The following SHISAL1 variants were observed in gnomAD, a reference collection of about 807,000 sequenced individuals.
The protein encoded by SHISAL1 is shisa like 1.
A neutral mutation model predicts 22.6 loss-of-function variants in SHISAL1; 9 were observed. That is an observed-to-expected ratio of 0.40 (90% CI 0.24 to 0.70). The LOEUF is 0.70. Among genes scored for constraint, SHISAL1 ranks in the 30% least tolerant of loss-of-function variants. The pLI is 0.39. For synonymous variants in SHISAL1, 119 were observed against 115.4 expected, an observed-to-expected ratio of 1.03 and a Z score of -0.20; for missense variants, 246 against 270.6, an observed-to-expected ratio of 0.91 and a Z score of 0.64.
chr22:44,249,602 T>G lies in SHISAL1; in HGVS notation c.*83A>C. 1.3e-6 allele frequency: 1 copy of G among 765,198 alleles called. No individual in the cohort carries two copies. Among genetic ancestry groups the G allele is most frequent in the Non-Finnish European group, 2.4e-6 (1 of 411,912 alleles). 47.4% of individuals were successfully genotyped at this position (765,198 alleles called of 1,614,324 possible). Reference sequence around the variant, plus strand: ...CGCTACCTCGGCTGTCCCTGGCATCTCTGTAGAAGTTGTTCTTCTCGGAGG... The same window carrying G: ...CGCTACCTCGGCTGTCCCTGGCATCGCTGTAGAAGTTGTTCTTCTCGGAGG... On this transcript the variant is annotated 3_prime_UTR_variant, in exon 5 of 5. Transcript: ENST00000381176.
At chr22:44,285,246 C>A (rs2055304676) in intron 4 of SHISAL1, among the ~76,000 whole-genome samples, 182 bp downstream of exon 4, 1 of 152,240 alleles carries the variant, frequency 6.6e-6, no homozygotes, top group South Asian at 2.1e-4. Context: ...TTTGACTTTC[C>A]TGTCTAGGCA....
rs1000208929 is a variant in SHISAL1 at position 44,264,441 on chromosome 22, G to A, written c.*-14756C>T. 1.6e-4 allele frequency among the ~76,000 whole-genome samples: 24 copies of A among 152,290 alleles called. 1 individual carries two copies. The highest frequency in any genetic ancestry group is 1.6e-3 in the Admixed American group (24 of 15,304). On this transcript the variant is annotated intron_variant, in intron 4 of 4. Transcript: ENST00000381176. ...GAGAGTTTGCTGAATAAATGACAGAGAGCAGGTGTGGTGTGAGCTCTGGTG... is the reference window on the plus strand; with the variant it reads ...GAGAGTTTGCTGAATAAATGACAGAAAGCAGGTGTGGTGTGAGCTCTGGTG...
intron 4 of SHISAL1, among the ~76,000 whole-genome samples, chr22:44,274,939 T>C (rs1601787345): frequency 6.6e-6 from 1 of 152,214 alleles, no homozygotes; most frequent in East Asian, 1.9e-4. Flanking sequence ...CTTGTGGCCA[T>C]TGTACTGACG....
rs1452139095 is a variant in SHISAL1, at chr22:44,249,484, AC to A, written c.*200del. ...GGTGGCTCAGAATCCCCTCCCCTGC[AC>A]CCCCAGCCCCTACCCCTGAGTTTGC... is the stretch of plus-strand genomic sequence containing the variant. On this transcript the variant is annotated 3_prime_UTR_variant, in exon 5 of 5. Coordinates refer to ENST00000381176, the MANE Select transcript of SHISAL1 (RefSeq NM_001099294.2). 6.6e-6 allele frequency: 3 copies of A among 452,086 alleles called. No individual in the cohort carries two copies. Among genetic ancestry groups the A allele is most frequent in the Non-Finnish European group, 8.3e-6 (2 of 241,582 alleles). The allele number at this position is 452,086 out of a possible 1,614,324, so 28.0% of individuals were successfully genotyped here.
At chr22:44,258,998 GT>G (rs928723478) in intron 4 of SHISAL1, among the ~76,000 whole-genome samples, 1 of 152,132 alleles carries the variant, frequency 6.6e-6, no homozygotes, top group Non-Finnish European at 1.5e-5. Flanking sequence ...GGACCCAAGG[GT>G]TGGAAACCAG....
At chr22:44,318,114 G>A in the SHISAL1 span, among the ~76,000 whole-genome samples, 692 of 152,374 alleles carry the variant, frequency 4.5e-3, 6 homozygotes, top group African/African-American at 0.016. Flanking sequence ...CCGTGGGGGC[G>A]GGGAAGTCCA....
chr22:44,293,324 T>G (rs185298462), intron 3 of SHISAL1, among the ~76,000 whole-genome samples: 1 of 152,296 alleles, frequency 6.6e-6, no homozygotes, highest in Admixed American at 6.5e-5. Flanking sequence ...TGACAAGGGA[T>G]GGGATCTCCC....
rs6006707 is a variant in SHISAL1, at chr22:44,249,567, G to C, written c.*118C>G. On this transcript the variant is annotated 3_prime_UTR_variant, in exon 5 of 5. Transcript: ENST00000381176. ...TTGGGCACAGGCAGCATTTCCTCCT[G>C]TGCCACCGCCGCTACCTCGGCTGTC... 0.08 allele frequency: 58,135 copies of C among 726,698 alleles called. 5,345 individuals are homozygous for C. The highest frequency in any genetic ancestry group is 0.3 in the East Asian group (11,645 of 39,352). 45.0% of individuals were successfully genotyped at this position (726,698 alleles called of 1,614,324 possible).
chr22:44,251,434 A>G (rs2055046832), intron 4 of SHISAL1, among the ~76,000 whole-genome samples: 1 of 152,228 alleles, frequency 6.6e-6, no homozygotes, highest in East Asian at 1.9e-4. Flanking sequence ...AAGGTTTACT[A>G]TAAAAGGATG....
chr22:44,272,768 G>A (rs1162054353), intron 4 of SHISAL1, among the ~76,000 whole-genome samples: 1 of 152,202 alleles, frequency 6.6e-6, no homozygotes, highest in African/African-American at 2.4e-5. Flanking sequence ...ATTGCCCTGG[G>A]TGCCTGTCTG....
intron 3 of SHISAL1, among the ~76,000 whole-genome samples, chr22:44,293,847 G>A (rs1433597406): frequency 3.3e-5 from 5 of 152,072 alleles, no homozygotes; most frequent in Non-Finnish European, 7.4e-5. Context: ...TCTGATCCTC[G>A]ATACTCCCAT....
chr22:44,282,037 G>A (rs544928809), intron 4 of SHISAL1, among the ~76,000 whole-genome samples: 1 of 152,196 alleles, frequency 6.6e-6, no homozygotes, highest in Non-Finnish European at 1.5e-5. Flanking sequence ...ACCAAGAGGC[G>A]GGGGCTGTGT....
chr22:44,261,738 G>A (rs1333051074), intron 4 of SHISAL1, among the ~76,000 whole-genome samples: 1 of 152,246 alleles, frequency 6.6e-6, no homozygotes, highest in Admixed American at 6.5e-5. Flanking sequence ...ACACGCCTTG[G>A]TCACATACCC....
At chr22:44,270,683 C>T (rs1483698397) in intron 4 of SHISAL1, among the ~76,000 whole-genome samples, 1 of 152,074 alleles carries the variant, frequency 6.6e-6, no homozygotes, top group East Asian at 1.9e-4. Flanking sequence ...GGTGGATGGT[C>T]GGAAAGAAGA....
intron 4 of SHISAL1, among the ~76,000 whole-genome samples, chr22:44,263,391 G>C (rs1569210182): frequency 6.6e-6 from 1 of 152,152 alleles, no homozygotes. Flanking sequence ...ATTTTTCTAA[G>C]GGATTCTCAC....
At chr22:44,285,170 T>C (rs1426028548) in intron 4 of SHISAL1, among the ~76,000 whole-genome samples, 1 of 152,232 alleles carries the variant, frequency 6.6e-6, no homozygotes, top group African/African-American at 2.4e-5. Context: ...GTTACCTCTC[T>C]CACACTGGGC....
chr22:44,325,867 CCTT>C, the SHISAL1 span, among the ~76,000 whole-genome samples: 2 of 151,820 alleles, frequency 1.3e-5, no homozygotes, highest in Admixed American at 1.3e-4. Context: ...TGCCCCTCTG[CCTT>C]CTTCTACTTG....
chr22:44,319,303 T>C, the SHISAL1 span, among the ~76,000 whole-genome samples: 2 of 152,264 alleles, frequency 1.3e-5, no homozygotes, highest in South Asian at 4.1e-4. Flanking sequence ...CTCGGAGAGA[T>C]TGTGTTGCCT....
intron 3 of SHISAL1, among the ~76,000 whole-genome samples, chr22:44,289,441 C>T (rs373971503): frequency 6.7e-6 from 1 of 149,444 alleles, no homozygotes; most frequent in Non-Finnish European, 1.5e-5. Flanking sequence ...CTTGGGGCAC[C>T]GTGCAGATCA....
Sources: gnomAD v4.1 joint callset for allele counts (sites outside exome capture counted in the v4.1 genomes callset) on GRCh38, gnomAD v4.1.1 for gene constraint, MANE v1.5 for transcripts, NCBI Gene and HGNC (gene_info 2026-07-23, HGNC 2026-07-21) for gene names.